The following ANXA5 variants were observed in gnomAD, a reference collection of about 807,000 sequenced individuals.
The protein encoded by ANXA5 is annexin A5.
Under a neutral mutation model 48.1 loss-of-function variants are expected in ANXA5, and 40 were observed. That is an observed-to-expected ratio of 0.83 (90% confidence interval 0.65 to 1.08). The LOEUF is 1.08. ANXA5 is among the 50% of genes least tolerant of loss of function. The probability of loss-of-function intolerance (pLI) is 0.00; values close to 1 mark genes in which losing one functional copy is unlikely to be tolerated. For missense variants in ANXA5, 357 were observed against 376.8 expected (o/e 0.95, Z 0.44); for synonymous variants, 113 against 129.1 (o/e 0.88, Z 0.85).
rs142757144 is a variant in ANXA5, at chr4:121,676,198, A to C, written c.531+1696T>G. 3.0e-4 allele frequency among the ~76,000 whole-genome samples: 45 copies of C among 151,928 alleles called. 1 individual carries two copies. In the East Asian group the frequency reaches 7.1e-3, roughly 24 times the overall value. On this transcript the variant is annotated intron_variant, in intron 8 of 12. Coordinates refer to ENST00000296511, the MANE Select transcript of ANXA5 (RefSeq NM_001154.4). The stretch of plus-strand genomic sequence containing the variant: ...GAACAAAGCCCCTAACAGGAGTACA[A>C]CTCTGTAGGGTTGCTCTAGCCCTCT...
At chr4:121,690,963 C>G (rs1343795100) in intron 2 of ANXA5, among the ~76,000 whole-genome samples, 6 of 152,172 alleles carry the variant, frequency 3.9e-5, no homozygotes, top group Non-Finnish European at 8.8e-5. Context: ...ACATCCTGTG[C>G]AAACCCCATC....
chr4:121,689,566 A>G (rs751151350), intron 2 of ANXA5, among the ~76,000 whole-genome samples: 1 of 152,232 alleles, frequency 6.6e-6, no homozygotes. Flanking sequence ...TGAATTTGCC[A>G]GGCCAATCTT....
intron 4 of ANXA5, 31 bp downstream of exon 4, chr4:121,684,646 C>A: frequency 6.4e-7 from 1 of 1,569,722 alleles, no homozygotes. Flanking sequence ...GCTGTTCTCC[C>A]ATTCTCTCTT....
At chr4:121,696,546 G>C in intron 2 of ANXA5, 35 bp downstream of exon 2, 2 of 1,365,760 alleles carry the variant, frequency 1.5e-6, no homozygotes, top group Non-Finnish European at 9.5e-7. Context: ...AAAGTTGTGG[G>C]TAAATCCAGC....
At chr4:121,675,765 C>A (rs976756500) in intron 8 of ANXA5, among the ~76,000 whole-genome samples, 8 of 152,204 alleles carry the variant, frequency 5.3e-5, no homozygotes, top group African/African-American at 1.9e-4. Context: ...TGTTCAAAAT[C>A]CAGACTCCCA....
At chr4:121,694,387 A>C (rs561283645) in intron 2 of ANXA5, among the ~76,000 whole-genome samples, 1 of 152,018 alleles carries the variant, frequency 6.6e-6, no homozygotes, top group Non-Finnish European at 1.5e-5. Flanking sequence ...CCCAACTTTA[A>C]TACTAAACTT....
chr4:121,691,781 ATTTC>A (rs1274272439), intron 2 of ANXA5, among the ~76,000 whole-genome samples: 2 of 152,180 alleles, frequency 1.3e-5, no homozygotes, highest in African/African-American at 4.8e-5. Context: ...GCCCGTTAAT[ATTTC>A]CTGCAATAAT....
intron 8 of ANXA5, among the ~76,000 whole-genome samples, chr4:121,674,522 T>C (rs1269443358): frequency 1.3e-5 from 2 of 152,146 alleles, no homozygotes; most frequent in East Asian, 1.9e-4. Context: ...TGCACACACT[T>C]CTTATCAACT....
intron 2 of ANXA5, among the ~76,000 whole-genome samples, chr4:121,692,420 C>T (rs1045473811): frequency 1.4e-4 from 21 of 152,186 alleles, no homozygotes; most frequent in African/African-American, 5.1e-4. Context: ...AAGAATAACT[C>T]CAGTGATGTC....
At chr4:121,679,880 T>C (rs1228998433) in intron 6 of ANXA5, among the ~76,000 whole-genome samples, 2 of 152,322 alleles carry the variant, frequency 1.3e-5, no homozygotes, top group Non-Finnish European at 2.9e-5. Context: ...GTCTATATTT[T>C]TGTGTGTGGT....
intron 8 of ANXA5, among the ~76,000 whole-genome samples, chr4:121,674,258 G>A (rs1354477160): frequency 9.1e-5 from 9 of 98,476 alleles, no homozygotes; most frequent in African/African-American, 3.6e-4. Flanking sequence ...AGGGAGAGGG[G>A]ATAGGAAGGA....
intron 9 of ANXA5, among the ~76,000 whole-genome samples, chr4:121,672,108 G>GA (rs1383882564): frequency 6.6e-6 from 1 of 152,154 alleles, no homozygotes; most frequent in South Asian, 2.1e-4. Context: ...CCCACCTCTG[G>GA]AAAAAAAGCC....
At chr4:121,678,120 A>T in intron 7 of ANXA5, 170 bp from the exon 8 acceptor site, 1 of 626,746 alleles carries the variant, frequency 1.6e-6, no homozygotes, top group Non-Finnish European at 2.8e-6. Flanking sequence ...ACTGTCCAAA[A>T]CCAATAATGA....
chr4:121,690,117 C>T (rs936967683), intron 2 of ANXA5, among the ~76,000 whole-genome samples: 8 of 152,186 alleles, frequency 5.3e-5, no homozygotes, highest in African/African-American at 1.7e-4. Context: ...ATGCACCAGG[C>T]ACCGTGCACA....
intron 8 of ANXA5, among the ~76,000 whole-genome samples, chr4:121,674,957 T>C (rs1156774662): frequency 2.0e-5 from 3 of 152,186 alleles, no homozygotes; most frequent in African/African-American, 7.2e-5. Context: ...CTTAATCTCC[T>C]CTTCAGCCTC....
intron 10 of ANXA5, 70 bp from the exon 11 acceptor site, chr4:121,670,082 A>G: frequency 8.8e-7 from 1 of 1,140,392 alleles, no homozygotes; most frequent in African/African-American, 1.6e-5. Context: ...TTAAAAATCA[A>G]GTGCTGCTTC....
chr4:121,680,184 T>C (rs1310466905), intron 6 of ANXA5, among the ~76,000 whole-genome samples: 1 of 152,206 alleles, frequency 6.6e-6, no homozygotes, highest in Admixed American at 6.5e-5. Flanking sequence ...CACTTTGCAT[T>C]ATGTCCTCCA....
rs368879357 is a variant in ANXA5 at position 121,669,959 on chromosome 4, T to C, written c.775A>G (p.Met259Val). Residue 259 changes from methionine to valine, a missense_variant, in exon 11 of 13, where the codon ATG becomes GTG. Physicochemically the swap from Met to Val is conservative, Grantham distance 21 (BLOSUM62 1). Coordinates refer to ENST00000296511, the MANE Select transcript of ANXA5 (RefSeq NM_001154.4). ...AYLAETLYYA[M>V]KGAGTDDHTL... ...GGTTCATGGTCTCCACTTACCTTCA[T>C]AGCATAATAGAGGGTCTCTGCAAGG... The C allele has an allele frequency of 2.3e-5, 36 of 1,597,446 alleles. No individual in the cohort carries two copies. Among genetic ancestry groups the C allele is most frequent in the African/African-American group, 8.1e-5 (6 of 73,996 alleles).
At chr4:121,687,406 C>A (rs995193445) in intron 2 of ANXA5, among the ~76,000 whole-genome samples, 2 of 152,140 alleles carry the variant, frequency 1.3e-5, no homozygotes, top group Non-Finnish European at 2.9e-5. Flanking sequence ...TGGAGGCTCC[C>A]AGAATTTACT....
Sources: allele counts gnomAD v4.1 joint callset (sites outside exome capture counted in the v4.1 genomes callset), GRCh38; gene constraint gnomAD v4.1.1; transcripts MANE v1.5; gene names NCBI Gene and HGNC (gene_info 2026-07-23, HGNC 2026-07-21).